The following DLC1 variants were observed in gnomAD, a reference collection of about 807,000 sequenced individuals.
The protein encoded by DLC1 is DLC1 Rho GTPase activating protein.
Under a neutral mutation model 140.3 loss-of-function variants are expected in DLC1, and 54 were observed. The ratio of observed to expected loss-of-function variants is 0.38; its 90% CI spans 0.31 to 0.48. DLC1 has a LOEUF of 0.48. Ranked by LOEUF, DLC1 falls within the 20% of genes least tolerant of loss-of-function variation. The pLI is 0.96. For synonymous variants in DLC1, 986 were observed against 728.1 expected (o/e 1.35, Z -5.70); for missense variants, 2,536 against 1,907.0 (o/e 1.33, Z -6.14).
chr8:13,536,396 C>T (rs762053385), intron 1 of DLC1, among the ~76,000 whole-genome samples: 1 of 152,164 alleles, frequency 6.6e-6, no homozygotes, highest in African/African-American at 2.4e-5. Flanking sequence ...TGGTTTAATG[C>T]AGCTCAGAGT....
At chr8:13,088,735 G>A in intron 15 of DLC1, 31 bp from the exon 16 acceptor site, 2 of 1,608,536 alleles carry the variant, frequency 1.2e-6, no homozygotes, top group Non-Finnish European at 1.7e-6. Flanking sequence ...TCAGTGCCAA[G>A]GCAATCCATA....
intron 5 of DLC1, among the ~76,000 whole-genome samples, chr8:13,298,077 T>G (rs928805154): frequency 6.6e-6 from 1 of 152,244 alleles, no homozygotes; most frequent in East Asian, 1.9e-4. Flanking sequence ...TTCTGTCTTA[T>G]GACCACAACA....
intron 5 of DLC1, among the ~76,000 whole-genome samples, chr8:13,209,131 G>A (rs1305469073): frequency 6.6e-6 from 1 of 152,022 alleles, no homozygotes; most frequent in Non-Finnish European, 1.5e-5. Flanking sequence ...CTTTGGACTG[G>A]GGAACTGCTT....
intron 5 of DLC1, among the ~76,000 whole-genome samples, chr8:13,211,778 A>G (rs556417084): frequency 4.7e-4 from 72 of 152,220 alleles, no homozygotes; most frequent in Admixed American, 7.9e-4. Flanking sequence ...CATGATAACT[A>G]TAGAGTAGAA....
intron 1 of DLC1, among the ~76,000 whole-genome samples, chr8:13,550,030 C>T (rs1415475108): frequency 6.6e-6 from 1 of 152,088 alleles, no homozygotes; most frequent in South Asian, 2.1e-4. Context: ...CCTTGAGACT[C>T]CCAGACTCTA....
At chr8:13,329,090 A>G (rs1563257701) in intron 4 of DLC1, among the ~76,000 whole-genome samples, 1 of 152,166 alleles carries the variant, frequency 6.6e-6, no homozygotes. Context: ...ATTTGAACAA[A>G]TATCACAGGA....
chr8:13,206,747 C>A (rs1392482049), intron 5 of DLC1, among the ~76,000 whole-genome samples: 1 of 151,948 alleles, frequency 6.6e-6, no homozygotes, highest in African/African-American at 2.4e-5. Flanking sequence ...AAAGTGAGTT[C>A]TTTACAATAT....
chr8:13,601,807 C>G (rs1805896642), intron 1 of DLC1, among the ~76,000 whole-genome samples: 1 of 151,696 alleles, frequency 6.6e-6, no homozygotes, highest in African/African-American at 2.4e-5. Context: ...ATAACAACAA[C>G]AACAACAGCA....
chr8:13,279,802 G>C (rs569818779), intron 5 of DLC1, among the ~76,000 whole-genome samples: 37 of 152,294 alleles, frequency 2.4e-4, no homozygotes, highest in African/African-American at 8.7e-4. Context: ...GTGCTGCTTA[G>C]AATCTGCCAC....
At position 13,428,025 on chromosome 8, in the gene DLC1, C is replaced by T. The variant is rs75879442; in HGVS notation, c.1024-26406G>A. Among the ~76,000 whole-genome samples, 43 of 152,136 alleles carry T rather than the reference C, an allele frequency of 2.8e-4. No homozygotes were observed. In the East Asian group the frequency reaches 7.6e-3, roughly 27 times the overall value. ...ACAACATCCTCTGTGCAGGTGGCTT[C>T]GGGGAGCAGGGGAAGGGCTATGATG... On this transcript the variant is annotated intron_variant, in intron 2 of 17. Transcript: ENST00000276297.
chr8:13,410,541 C>T (rs1199421357), intron 2 of DLC1, among the ~76,000 whole-genome samples: 2 of 151,786 alleles, frequency 1.3e-5, no homozygotes, highest in Non-Finnish European at 2.9e-5. Context: ...TGTCCTCTCC[C>T]GTTAATCATT....
chr8:13,448,292 T>A (rs1314561677), intron 2 of DLC1, among the ~76,000 whole-genome samples: 1 of 152,152 alleles, frequency 6.6e-6, no homozygotes, highest in Non-Finnish European at 1.5e-5. Flanking sequence ...CGAGCAATAG[T>A]CATGGGATTT....
In DLC1 at chr8:13,491,401, C is replaced by A. The variant is rs151255328; in HGVS notation, c.1023+7648G>T. ...GCCTCTGACATTTTTGATATGGACT[C>A]CCCTGCAAGCATGTGTATGTTACTT... is the stretch of plus-strand genomic sequence containing the variant. On this transcript the variant is annotated intron_variant, in intron 2 of 17. Coordinates refer to ENST00000276297, the MANE Select transcript of DLC1 (RefSeq NM_182643.3). Among the ~76,000 whole-genome samples, 356 of 152,076 alleles carry A rather than the reference C, an allele frequency of 2.3e-3. 11 individuals are homozygous for A. In the South Asian group the frequency reaches 0.065, roughly 28 times the overall value.
intron 2 of DLC1, among the ~76,000 whole-genome samples, chr8:13,423,047 A>G (rs557772469): frequency 4.6e-5 from 7 of 152,082 alleles, no homozygotes; most frequent in African/African-American, 1.7e-4. Flanking sequence ...GTGATGTAAG[A>G]CTCTAGCTCT....
chr8:13,126,911 C>A (rs1318378588), intron 5 of DLC1, among the ~76,000 whole-genome samples: 1 of 152,172 alleles, frequency 6.6e-6, no homozygotes, highest in Non-Finnish European at 1.5e-5. Context: ...AAAAACTGCT[C>A]ACCCATATTT....
chr8:13,437,929 T>C (rs1469307455), intron 2 of DLC1, among the ~76,000 whole-genome samples: 1 of 151,512 alleles, frequency 6.6e-6, no homozygotes, highest in Non-Finnish European at 1.5e-5. Flanking sequence ...ATTTTAAAAC[T>C]GTCCAGGAAA....
chr8:13,536,343 A>G (rs895618290), intron 1 of DLC1, among the ~76,000 whole-genome samples: 3 of 152,226 alleles, frequency 2.0e-5, no homozygotes. Context: ...TTAGATAATC[A>G]CAAGGTTATA....
chr8:13,563,431 A>G (rs1804313359), intron 1 of DLC1, among the ~76,000 whole-genome samples: 1 of 152,182 alleles, frequency 6.6e-6, no homozygotes, highest in Non-Finnish European at 1.5e-5. Context: ...ATGTACAGAA[A>G]CTATAAATTA....
intron 5 of DLC1, among the ~76,000 whole-genome samples, chr8:13,177,294 A>C (rs1057462923): frequency 1.3e-5 from 2 of 152,134 alleles, no homozygotes; most frequent in Non-Finnish European, 2.9e-5. Flanking sequence ...ATTGTGCTAA[A>C]AAGTGTCAAT....
Sources: allele counts gnomAD v4.1 joint callset (sites outside exome capture counted in the v4.1 genomes callset), GRCh38; gene constraint gnomAD v4.1.1; transcripts MANE v1.5; gene names NCBI Gene and HGNC (gene_info 2026-07-23, HGNC 2026-07-21).